CANX: variants seen among roughly 807,000 people sequenced by gnomAD.
The protein encoded by CANX is calnexin, also known as epididymis secretory sperm binding protein.
CANX carries 14 observed loss-of-function variants against 75.7 expected under a neutral mutation model. The observed-to-expected ratio is 0.19, with a 90% CI of 0.12 to 0.29. The LOEUF (loss-of-function observed/expected upper bound fraction) is 0.29, where lower values mean the gene tolerates loss of function less well. Ranked by LOEUF, CANX falls within the 10% of genes least tolerant of loss-of-function variation. CANX has a pLI of 1.00. For synonymous variants in CANX, 227 were observed against 236.9 expected (o/e 0.96, Z 0.38); for missense variants, 567 against 713.2 (o/e 0.79, Z 2.34).
At chr5:179,719,977 A>G (rs967175857) in intron 9 of CANX, among the ~76,000 whole-genome samples, 196 bp downstream of exon 9, 3 of 151,928 alleles carry the variant, frequency 2.0e-5, no homozygotes, top group African/African-American at 7.3e-5. Context: ...GTGTGCCACC[A>G]CACCCGGCAA....
intron 1 of CANX, among the ~76,000 whole-genome samples, chr5:179,681,600 CCTT>C (rs1028412477): frequency 2.0e-5 from 3 of 152,120 alleles, no homozygotes; most frequent in Non-Finnish European, 4.4e-5. Context: ...TTTGTACCCT[CCTT>C]CTACATGTCA....
upstream of CANX, among the ~76,000 whole-genome samples, chr5:179,697,882 C>A (rs886662161): frequency 6.6e-6 from 1 of 151,972 alleles, no homozygotes; most frequent in South Asian, 2.1e-4. Flanking sequence ...AGCAAGACTT[C>A]GTCTCAAAAA....
chr5:179,710,571 G>A (rs770970584), intron 7 of CANX, among the ~76,000 whole-genome samples: 1 of 150,430 alleles, frequency 6.6e-6, no homozygotes, highest in Non-Finnish European at 1.5e-5. Context: ...AGCCGGGCGT[G>A]GTGGTGGGCA....
rs1312272162 is a variant in CANX at position 179,720,426 on chromosome 5, T to C, written c.1048T>C (p.Trp350Arg). Residue 350 changes from tryptophan to arginine, a missense_variant, in exon 10 of 15, where the codon TGG becomes CGG. Physicochemically the swap from Trp to Arg is moderately radical, Grantham distance 101 (BLOSUM62 -3). Coordinates refer to ENST00000247461, the MANE Select transcript of CANX (RefSeq NM_001746.4). ...EDWDEDMDGEWEAPQIANPRC... is the reference protein window; with the variant it reads ...EDWDEDMDGEREAPQIANPRC... The stretch of plus-strand genomic sequence containing the variant: ...TAGGGATGAAGACATGGATGGAGAA[T>C]GGGAGGCTCCTCAGATTGCCAACCC... 6.2e-7 allele frequency: 1 copy of C among 1,614,024 alleles called. No individual in the cohort carries two copies. The highest frequency in any genetic ancestry group is 8.5e-7 in the Non-Finnish European group (1 of 1,179,892).
rs777533340 is a variant in CANX, at chr5:179,707,230, G to C, written c.304+40G>C. 5 of 1,058,730 alleles carry C rather than the reference G, an allele frequency of 4.7e-6. No homozygotes were observed. The East Asian group carries it at 1.2e-4, about 25-fold the overall frequency. 65.6% of individuals were successfully genotyped at this position (1,058,730 alleles called of 1,614,324 possible). A position where few individuals can be genotyped will look rare whatever the true frequency, so the allele number is the denominator to read the frequency against. ...TGGTTTAGATATAATAGCAGATAGA[G>C]GTTTGACATGTTGTCTCCATGGCAT... On this transcript the variant is annotated intron_variant, in intron 4 of 14. Transcript: ENST00000247461.
At chr5:179,694,462 A>C (rs1027690560), upstream of CANX, 16 of 711,888 alleles carry the variant, frequency 2.2e-5, no homozygotes, top group Non-Finnish European at 3.8e-5. Flanking sequence ...AGTGCCCCCA[A>C]AAGGCCACCA....
At chr5:179,680,018 G>A (rs1016243861) in intron 1 of CANX, among the ~76,000 whole-genome samples, 1 of 112,890 alleles carries the variant, frequency 8.9e-6, no homozygotes, top group Non-Finnish European at 1.7e-5. Flanking sequence ...TCACCTTATT[G>A]GCCAGGCTGG....
At chr5:179,720,649 C>A in intron 10 of CANX, 89 bp downstream of exon 10, 1 of 1,157,312 alleles carries the variant, frequency 8.6e-7, no homozygotes, top group Non-Finnish European at 1.3e-6. Flanking sequence ...CCAGGTTGGT[C>A]ATTATATTCA....
intron 1 of CANX, chr5:179,679,153 G>A: frequency 6.5e-7 from 1 of 1,535,548 alleles, no homozygotes; most frequent in Non-Finnish European, 8.7e-7. Context: ...CGTGGACCTT[G>A]TAGGGCACGC....
chr5:179,691,825 T>C (rs1776303243), intron 1 of CANX, among the ~76,000 whole-genome samples: 1 of 152,202 alleles, frequency 6.6e-6, no homozygotes, highest in Admixed American at 6.5e-5. Flanking sequence ...TCGCCCAGGC[T>C]GGAGTGCAGT....
chr5:179,689,390 T>G (rs529655856), intron 1 of CANX, among the ~76,000 whole-genome samples: 1,857 of 143,640 alleles, frequency 0.013, 29 homozygotes, highest in Admixed American at 0.033. Flanking sequence ...TTTTTTTTTT[T>G]TTTTTTTTTT....
chr5:179,723,981 C>T (rs529429526), intron 12 of CANX, among the ~76,000 whole-genome samples: 1 of 152,158 alleles, frequency 6.6e-6, no homozygotes, highest in African/African-American at 2.4e-5. Flanking sequence ...TTTATAGCCC[C>T]TTGGTTGCTA....
chr5:179,708,322 G>A lies in CANX; in HGVS notation c.388G>A (p.Ala130Thr), dbSNP rs1384938731. The A allele has an allele frequency of 6.2e-7, 1 of 1,613,690 alleles. No individual in the cohort carries two copies. The highest frequency in any genetic ancestry group is 1.3e-5 in the African/African-American group (1 of 74,906). ...LVLMSRAKHH[A>T]ISAKLNKPFL... ...GTTGATGTCTCGGGCCAAGCATCATGCCATCTCTGCTAAACTGAACAAGCC... is the reference window on the plus strand; with the variant it reads ...GTTGATGTCTCGGGCCAAGCATCATACCATCTCTGCTAAACTGAACAAGCC... Residue 130 changes from alanine to threonine, a missense_variant, in exon 5 of 15, where the codon GCC becomes ACC. Physicochemically the swap from Ala to Thr is moderately conservative, Grantham distance 58 (BLOSUM62 0). Transcript: ENST00000247461.
intron 10 of CANX, among the ~76,000 whole-genome samples, chr5:179,721,534 G>T (rs1159404997): frequency 6.6e-6 from 1 of 152,222 alleles, no homozygotes. Flanking sequence ...CTGTGATGTG[G>T]TGGGTAGAGG....
At chr5:179,728,000 A>G (rs1442692155) in intron 14 of CANX, among the ~76,000 whole-genome samples, 1 of 152,154 alleles carries the variant, frequency 6.6e-6, no homozygotes, top group Non-Finnish European at 1.5e-5. Flanking sequence ...AATAAAGATC[A>G]TTGCTATCTG....
upstream of CANX, among the ~76,000 whole-genome samples, chr5:179,695,781 G>A (rs1370946463): frequency 6.6e-6 from 1 of 151,774 alleles, no homozygotes; most frequent in Non-Finnish European, 1.5e-5. Context: ...CTCCCGAGTA[G>A]CTGGGACTAC....
In CANX at chr5:179,678,679, C is replaced by T. The variant is rs369839116; in HGVS notation, c.-102C>T. 2.0e-5 allele frequency: 30 copies of T among 1,535,998 alleles called. No homozygotes were observed. In the African/African-American group the frequency reaches 3.8e-4, roughly 20 times the overall value. The stretch of plus-strand genomic sequence containing the variant: ...TCCTCTGCCCGGCGCGCGCCGCAGC[C>T]GTCGGGATCACCTCGGGGTTGCGCT... On this transcript the variant is annotated 5_prime_UTR_variant, in exon 1 of 15. Transcript: ENST00000681674.
At position 179,698,976 on chromosome 5, in the gene CANX, C is replaced by G; in HGVS notation, c.-130C>G. ...GGCTCGCTCGCGCGGCAGCGGTGGC[C>G]GAGGCCTCTTGGTTCTGCGGCACGT... On this transcript the variant is annotated 5_prime_UTR_variant, in exon 1 of 15. Transcript: ENST00000247461. 8.9e-7 allele frequency: 1 copy of G among 1,123,448 alleles called. No homozygotes were observed. Among genetic ancestry groups the G allele is most frequent in the African/African-American group, 1.7e-5 (1 of 58,028 alleles). The allele number at this position is 1,123,448 out of a possible 1,614,324, so 69.6% of individuals were successfully genotyped here.
chr5:179,714,718 C>T (rs1012745055), intron 7 of CANX, among the ~76,000 whole-genome samples: 11 of 152,096 alleles, frequency 7.2e-5, no homozygotes, highest in Middle Eastern at 3.4e-3. Flanking sequence ...GGGGTTTCAC[C>T]GTGTTAGCCA....
Sources: allele counts gnomAD v4.1 joint callset (sites outside exome capture counted in the v4.1 genomes callset), GRCh38; gene constraint gnomAD v4.1.1; transcripts MANE v1.5; gene names NCBI Gene and HGNC (gene_info 2026-07-23, HGNC 2026-07-21).